Variants in PHB1 observed in about 807,000 individuals in gnomAD.
The protein encoded by PHB1 is prohibitin 1.
At chr17:49,411,842 AG>A in the PHB1 span, 1 of 1,612,950 alleles carries the variant, frequency 6.2e-7, no homozygotes, top group Non-Finnish European at 8.5e-7. Flanking sequence ...AGCATCCACT[AG>A]GAAGAAAGGA....
At chr17:49,408,868 C>G in the PHB1 span, 1 of 574,732 alleles carries the variant, frequency 1.7e-6, no homozygotes, top group Non-Finnish European at 3.1e-6. Context: ...GTAAAAGAAC[C>G]CTCAACTGAA....
chr17:49,413,327 T>G, the PHB1 span: 477 of 1,206,152 alleles, frequency 4.0e-4, 2 homozygotes, highest in African/African-American at 6.4e-3. Flanking sequence ...TCAAACTTGA[T>G]GCCAAATCCT....
the PHB1 span, chr17:49,414,308 T>A: frequency 6.6e-6 from 1 of 151,754 alleles, no homozygotes. Context: ...AAGCAGGAGC[T>A]GGATGACATC....
chr17:49,409,232 G>T, the PHB1 span: 1 of 1,571,920 alleles, frequency 6.4e-7, no homozygotes, highest in Non-Finnish European at 8.8e-7. Flanking sequence ...GAAACTAGCA[G>T]CCACATCCCA....
At chr17:49,412,837 G>A in the PHB1 span, 1 of 205,874 alleles carries the variant, frequency 4.9e-6, no homozygotes, top group Non-Finnish European at 9.9e-6. Flanking sequence ...GAGAACAAAT[G>A]AGATCTCCAT....
At chr17:49,409,970 T>G in the PHB1 span, among the ~76,000 whole-genome samples, 1 of 152,170 alleles carries the variant, frequency 6.6e-6, no homozygotes, top group South Asian at 2.1e-4. Context: ...CGCTTTGACC[T>G]CCTGGGCTCA....
the PHB1 span, chr17:49,404,787 A>G: frequency 1.7e-6 from 1 of 586,620 alleles, no homozygotes; most frequent in Non-Finnish European, 3.0e-6. Flanking sequence ...GTGGATAAAA[A>G]AGTAGATGGA....
the PHB1 span, chr17:49,404,663 T>C: frequency 1.0e-5 from 4 of 391,416 alleles, no homozygotes; most frequent in African/African-American, 8.3e-5. Flanking sequence ...GTCCATCACA[T>C]ACTGCCCCGC....
chr17:49,414,022 T>C, the PHB1 span, among the ~76,000 whole-genome samples: 69 of 152,342 alleles, frequency 4.5e-4, no homozygotes, highest in African/African-American at 1.6e-3. Context: ...ATGTGCTACA[T>C]GTTGATGCCA....
chr17:49,406,880 T>C, the PHB1 span: 1 of 1,525,610 alleles, frequency 6.6e-7, no homozygotes, highest in Non-Finnish European at 9.1e-7. Context: ...GAGCACAAGA[T>C]GAGGCAGTGT....
the PHB1 span, chr17:49,409,288 G>A: frequency 1.2e-6 from 2 of 1,612,376 alleles, no homozygotes; most frequent in Non-Finnish European, 1.7e-6. Context: ...ACCCTCCCAG[G>A]GTGGTGCTCT....
chr17:49,413,376 A>C, the PHB1 span: 1 of 726,660 alleles, frequency 1.4e-6, no homozygotes, highest in Non-Finnish European at 2.4e-6. Flanking sequence ...GTCACTTTTC[A>C]ACCTGGCTAT....
At chr17:49,409,543 GTTTT>G in the PHB1 span, 11 of 837,934 alleles carry the variant, frequency 1.3e-5, no homozygotes, top group East Asian at 8.4e-5. Flanking sequence ...TTTTTTTTTT[GTTTT>G]TTTTTTTTTT....
the PHB1 span, among the ~76,000 whole-genome samples, chr17:49,414,522 C>A: frequency 6.6e-6 from 1 of 152,148 alleles, no homozygotes; most frequent in African/African-American, 2.4e-5. Context: ...CAAATCCTCC[C>A]TCCCTACTTC....
At chr17:49,411,877 CT>C in the PHB1 span, 2 of 1,594,898 alleles carry the variant, frequency 1.3e-6, no homozygotes, top group South Asian at 2.2e-5. Context: ...TAAAAATCCT[CT>C]CATCCTTTAA....
chr17:49,407,793 T>A, the PHB1 span, among the ~76,000 whole-genome samples: 2 of 152,260 alleles, frequency 1.3e-5, no homozygotes, highest in Non-Finnish European at 2.9e-5. Flanking sequence ...CCAGAATTTT[T>A]AACCTCCTAA....
chr17:49,410,544 T>C, the PHB1 span, among the ~76,000 whole-genome samples: 1,881 of 152,292 alleles, frequency 0.012, 26 homozygotes, highest in South Asian at 0.031. Context: ...CACTGAACAT[T>C]TTAAGACAAT....
At chr17:49,408,791 T>G in the PHB1 span, 5 of 426,150 alleles carry the variant, frequency 1.2e-5, no homozygotes, top group African/African-American at 2.0e-5. Context: ...AGGTAAAACA[T>G]TTAGTGGTTA....
the PHB1 span, chr17:49,405,353 G>T: frequency 1.5e-6 from 1 of 653,488 alleles, no homozygotes; most frequent in Non-Finnish European, 2.7e-6. Flanking sequence ...CGGGGGAAGC[G>T]GGGGGAAGCA....
Sources: gnomAD v4.1 joint callset for allele counts (sites outside exome capture counted in the v4.1 genomes callset) on GRCh38, gnomAD v4.1.1 for gene constraint, MANE v1.5 for transcripts, NCBI Gene and HGNC (gene_info 2026-07-23, HGNC 2026-07-21) for gene names.